The following GALNT13 variants were observed in gnomAD, a reference collection of about 807,000 sequenced individuals.
GALNT13 encodes UDP-GalNAc:polypeptide N-acetylgalactosaminyltransferase 13.
A neutral mutation model predicts 64.2 loss-of-function variants in GALNT13; 28 were observed. The observed-to-expected ratio is 0.44, with a 90% CI of 0.32 to 0.60. GALNT13 has a LOEUF of 0.60. Among genes scored for constraint, GALNT13 ranks in the 20% least tolerant of loss-of-function variants. The probability of loss-of-function intolerance (pLI) is 0.05; values close to 1 mark genes in which losing one functional copy is unlikely to be tolerated. For missense variants in GALNT13, 577 were observed against 669.8 expected, an observed-to-expected ratio of 0.86 and a Z score of 1.53; for synonymous variants, 214 against 224.6, an observed-to-expected ratio of 0.95 and a Z score of 0.42.
chr2:153,491,213 G>C, the GALNT13 span, among the ~76,000 whole-genome samples: 1 of 151,918 alleles, frequency 6.6e-6, no homozygotes, highest in Non-Finnish European at 1.5e-5. Flanking sequence ...ACAGATTATA[G>C]TATGTTAGAA....
At chr2:153,692,223 G>T in the GALNT13 span, among the ~76,000 whole-genome samples, 1 of 152,128 alleles carries the variant, frequency 6.6e-6, no homozygotes, top group African/African-American at 2.4e-5. Flanking sequence ...GGTTGGTAGT[G>T]ACTAGAAGGG....
At chr2:154,269,906 G>GTGTGTATATATATATATA (rs529424469) in intron 8 of GALNT13, among the ~76,000 whole-genome samples, 1 of 96,884 alleles carries the variant, frequency 1.0e-5, no homozygotes, top group South Asian at 4.0e-4. Flanking sequence ...ATATATATGT[G>GTGTGTATATATATATATA]TATATATATA....
At chr2:153,455,330 G>A in the GALNT13 span, among the ~76,000 whole-genome samples, 5 of 152,214 alleles carry the variant, frequency 3.3e-5, no homozygotes, top group South Asian at 1.0e-3. Flanking sequence ...AAGTACTGAA[G>A]TAGAATATTT....
chr2:154,139,494 A>C (rs889511560), intron 3 of GALNT13, among the ~76,000 whole-genome samples: 2 of 152,024 alleles, frequency 1.3e-5, no homozygotes, highest in Non-Finnish European at 2.9e-5. Context: ...AGTCGAGACC[A>C]GAACCACATT....
At chr2:154,312,828 A>G (rs905855076) in intron 9 of GALNT13, among the ~76,000 whole-genome samples, 1 of 152,164 alleles carries the variant, frequency 6.6e-6, no homozygotes, top group Non-Finnish European at 1.5e-5. Context: ...CCAGAATCAG[A>G]TATCTTTCCT....
the GALNT13 span, among the ~76,000 whole-genome samples, chr2:153,824,406 A>G: frequency 6.6e-6 from 1 of 152,194 alleles, no homozygotes; most frequent in Non-Finnish European, 1.5e-5. Flanking sequence ...TCATTTTACC[A>G]AAAAGACAAA....
chr2:154,021,480 A>G (rs1439859375), intron 3 of GALNT13, among the ~76,000 whole-genome samples: 1 of 152,124 alleles, frequency 6.6e-6, no homozygotes, highest in East Asian at 1.9e-4. Context: ...ATGGGAATTC[A>G]CTCATGATTT....
At chr2:153,739,708 AACTT>A in the GALNT13 span, among the ~76,000 whole-genome samples, 1 of 150,528 alleles carries the variant, frequency 6.6e-6, no homozygotes, top group South Asian at 2.1e-4. Flanking sequence ...TTATCACATA[AACTT>A]ACTTTGGATA....
chr2:153,369,219 T>C, the GALNT13 span, among the ~76,000 whole-genome samples: 1 of 151,914 alleles, frequency 6.6e-6, no homozygotes, highest in African/African-American at 2.4e-5. Flanking sequence ...TAGGAAAAAT[T>C]TTCTAAAATC....
At chr2:153,629,680 C>G in the GALNT13 span, among the ~76,000 whole-genome samples, 2 of 151,786 alleles carry the variant, frequency 1.3e-5, no homozygotes, top group African/African-American at 4.9e-5. Context: ...TTCTGCACAG[C>G]AAAAGAAACT....
the GALNT13 span, among the ~76,000 whole-genome samples, chr2:153,669,858 A>G: frequency 3.3e-5 from 5 of 151,424 alleles, no homozygotes; most frequent in Non-Finnish European, 2.9e-5. Context: ...CCAGCAGACC[A>G]GGAGATTCCC....
chr2:153,730,346 A>G, the GALNT13 span, among the ~76,000 whole-genome samples: 1 of 151,978 alleles, frequency 6.6e-6, no homozygotes, highest in Admixed American at 6.6e-5. Context: ...ATAACTGGAG[A>G]AAGGACACTC....
At chr2:153,674,999 C>A in the GALNT13 span, among the ~76,000 whole-genome samples, 1 of 152,116 alleles carries the variant, frequency 6.6e-6, no homozygotes, top group African/African-American at 2.4e-5. Context: ...CAATGAGATA[C>A]CATCTCATGC....
At chr2:153,190,543 C>T in the GALNT13 span, among the ~76,000 whole-genome samples, 1 of 151,864 alleles carries the variant, frequency 6.6e-6, no homozygotes, top group African/African-American at 2.4e-5. Flanking sequence ...TCTTTTTTCT[C>T]AGTATTGCTT....
the GALNT13 span, among the ~76,000 whole-genome samples, chr2:153,766,659 T>G: frequency 6.6e-6 from 1 of 152,148 alleles, no homozygotes; most frequent in African/African-American, 2.4e-5. Flanking sequence ...ATTGCACTTT[T>G]TCTTACATCC....
At chr2:154,177,631 T>C (rs1685724722) in intron 4 of GALNT13, among the ~76,000 whole-genome samples, 1 of 152,106 alleles carries the variant, frequency 6.6e-6, no homozygotes, top group South Asian at 2.1e-4. Context: ...TAATGCAAGA[T>C]GTTAGTAACA....
the GALNT13 span, among the ~76,000 whole-genome samples, chr2:153,484,115 A>G: frequency 1.3e-5 from 2 of 152,282 alleles, no homozygotes; most frequent in South Asian, 4.1e-4. Flanking sequence ...AAAATACAGA[A>G]CACTTAGAAA....
chr2:154,175,404 A>G (rs906041845), intron 4 of GALNT13, among the ~76,000 whole-genome samples: 4 of 152,210 alleles, frequency 2.6e-5, no homozygotes, highest in African/African-American at 9.6e-5. Flanking sequence ...GGAGAAAGAC[A>G]TGAGCCTTTC....
intron 8 of GALNT13, chr2:154,287,301 C>T (rs1256887891): frequency 4.0e-5 from 27 of 672,306 alleles, no homozygotes; most frequent in Middle Eastern, 3.0e-4. Context: ...CTGGCCATGG[C>T]GGGGACAGTC....
Sources: gnomAD v4.1 joint callset for allele counts (sites outside exome capture counted in the v4.1 genomes callset) on GRCh38, gnomAD v4.1.1 for gene constraint, MANE v1.5 for transcripts, NCBI Gene and HGNC (gene_info 2026-07-23, HGNC 2026-07-21) for gene names.